TRPM7: variants seen among roughly 807,000 people sequenced by gnomAD.
TRPM7 encodes the protein LTRPC ion channel family member 7.
A neutral mutation model predicts 229.7 loss-of-function variants in TRPM7; 134 were observed. The ratio of observed to expected loss-of-function variants is 0.58; its 90% CI spans 0.51 to 0.67. The LOEUF is 0.67. TRPM7 is among the 30% of genes least tolerant of loss of function. The pLI, the probability that TRPM7 is intolerant of heterozygous loss-of-function variation, is 0.00. For synonymous variants in TRPM7, 699 were observed against 715.2 expected (o/e 0.98, Z 0.36); for missense variants, 1,901 against 2,210.0 (o/e 0.86, Z 2.80).
At chr15:50,680,701 CT>C (rs2062222199) in intron 1 of TRPM7, among the ~76,000 whole-genome samples, 1 of 152,148 alleles carries the variant, frequency 6.6e-6, no homozygotes, top group East Asian at 1.9e-4. Flanking sequence ...GTACAGCAAA[CT>C]TTTTAAGTTA....
At chr15:50,641,817 T>C (rs147419153) in intron 5 of TRPM7, among the ~76,000 whole-genome samples, 3 of 152,100 alleles carry the variant, frequency 2.0e-5, no homozygotes, top group Non-Finnish European at 4.4e-5. Context: ...TTGACCAACA[T>C]AGTGAAACCC....
intron 26 of TRPM7, among the ~76,000 whole-genome samples, chr15:50,591,609 G>C (rs2059495261): frequency 6.6e-6 from 1 of 151,696 alleles, no homozygotes; most frequent in Non-Finnish European, 1.5e-5. Flanking sequence ...CAGTTCGCCT[G>C]CCTCAGCCTC....
At chr15:50,643,095 C>A (rs575061936) in intron 5 of TRPM7, among the ~76,000 whole-genome samples, 1 of 152,162 alleles carries the variant, frequency 6.6e-6, no homozygotes, top group African/African-American at 2.4e-5. Flanking sequence ...TCGAGACCAG[C>A]CTGACCAATA....
intron 3 of TRPM7, among the ~76,000 whole-genome samples, chr15:50,653,360 G>C (rs923375444): frequency 1.3e-5 from 2 of 152,166 alleles, no homozygotes; most frequent in Non-Finnish European, 2.9e-5. Context: ...ACTAGGAAAG[G>C]AGGAAACTTC....
intron 1 of TRPM7, among the ~76,000 whole-genome samples, chr15:50,667,273 A>C (rs1468169362): frequency 2.6e-5 from 4 of 152,176 alleles, no homozygotes; most frequent in Admixed American, 2.6e-4. Context: ...CTGTTCCTCC[A>C]AGGGCTCTAC....
At chr15:50,663,086 C>T in intron 1 of TRPM7, 40 bp from the exon 2 acceptor site, 1 of 1,465,600 alleles carries the variant, frequency 6.8e-7, no homozygotes, top group Non-Finnish European at 9.5e-7. Flanking sequence ...ATAAGTTAAC[C>T]CACTAAATAA....
At chr15:50,662,681 T>A (rs2061758791) in intron 2 of TRPM7, among the ~76,000 whole-genome samples, 1 of 152,194 alleles carries the variant, frequency 6.6e-6, no homozygotes, top group African/African-American at 2.4e-5. Context: ...CTTAACTGCC[T>A]TACCTTTGTA....
chr15:50,673,337 T>C (rs1596345667), intron 1 of TRPM7, among the ~76,000 whole-genome samples: 2 of 152,322 alleles, frequency 1.3e-5, no homozygotes, highest in East Asian at 3.8e-4. Flanking sequence ...AGTTCTTTAG[T>C]GGTGACTTGT....
chr15:50,596,226 TATAAC>T lies in TRPM7; in HGVS notation c.3290+24_3290+28del, dbSNP rs761847051. 5.1e-4 allele frequency: 726 copies of T among 1,410,616 alleles called. 1 individual carries two copies. Among genetic ancestry groups the T allele is most frequent in the Non-Finnish European group, 6.7e-4 (705 of 1,052,798 alleles). The allele number at this position is 1,410,616 out of a possible 1,614,324, so 87.4% of individuals were successfully genotyped here. On this transcript the variant is annotated intron_variant, in intron 23 of 38. Coordinates refer to ENST00000646667, the MANE Select transcript of TRPM7 (RefSeq NM_017672.6). The stretch of plus-strand genomic sequence containing the variant: ...TGTAGAATTGCATATTAAATCATCT[TATAAC>T]AAACAATTGAACAAAATTCTTACTT...
chr15:50,635,077 G>C (rs746367338), intron 7 of TRPM7, among the ~76,000 whole-genome samples: 2 of 151,074 alleles, frequency 1.3e-5, no homozygotes, highest in African/African-American at 2.4e-5. Context: ...CAGCACTTTC[G>C]GAGACCAAGA....
At chr15:50,669,669 G>A (rs538100543) in intron 1 of TRPM7, among the ~76,000 whole-genome samples, 1 of 152,014 alleles carries the variant, frequency 6.6e-6, no homozygotes, top group Admixed American at 6.6e-5. Context: ...CAAGAACTAT[G>A]GTATACCTGT....
In TRPM7 at chr15:50,619,766, A is replaced by G. The variant is rs373504680; in HGVS notation, c.1473T>C (p.His491=). ...KQGPTNPMLF[H]LVRDVKQGNL... is the part of the protein sequence containing the mutation. ...TTACCTGTTTGACGTCTCGAACAAGATGAAACAGCATTGGATTAGTTGGAC... is the reference window on the plus strand; with the variant it reads ...TTACCTGTTTGACGTCTCGAACAAGGTGAAACAGCATTGGATTAGTTGGAC... The change falls in exon 13 of 39, where the codon CAT becomes CAC. Residue 491 remains histidine (H), a synonymous_variant. Transcript: ENST00000646667. 93 of 1,598,728 alleles carry G rather than the reference A, an allele frequency of 5.8e-5. No homozygotes were observed. Among genetic ancestry groups the G allele is most frequent in the Non-Finnish European group, 7.7e-5 (91 of 1,175,624 alleles).
chr15:50,581,854 T>C (rs1045673300), intron 29 of TRPM7, among the ~76,000 whole-genome samples: 1 of 152,214 alleles, frequency 6.6e-6, no homozygotes, highest in Non-Finnish European at 1.5e-5. Context: ...TTAATATATT[T>C]TCCATCTGAC....
chr15:50,637,382 A>C, intron 7 of TRPM7, 40 bp downstream of exon 7: 1 of 1,589,176 alleles, frequency 6.3e-7, no homozygotes, highest in Non-Finnish European at 8.6e-7. Context: ...AGTACAGCCC[A>C]GGACAATTTC....
chr15:50,686,525 C>T lies in TRPM7; in HGVS notation c.3+6G>A. On this transcript the variant is annotated splice_donor_region_variant and intron_variant, in intron 1 of 38. Transcript: ENST00000646667. ...TTCCCCGCCCGGGCCTGCGTGGGTC[C>T]AGTACCATTCTCCTCACGGGGCGGA... The T allele has an allele frequency of 6.2e-7, 1 of 1,612,498 alleles. No individual in the cohort carries two copies. The highest frequency in any genetic ancestry group is 1.1e-5 in the South Asian group (1 of 91,058).
rs763909598 is a variant in TRPM7 at position 50,637,473 on chromosome 15, T to G, written c.781A>C (p.Arg261=). Residue 261 remains arginine, a synonymous_variant, in exon 7 of 39, where the codon AGA becomes CGA. Transcript: ENST00000646667. ...GTTTTTTCAAGTTCTCTTCTCAGTCTGACTTCCGCCCCATACTTTCCAACA... is the reference window on the plus strand; with the variant it reads ...GTTTTTTCAAGTTCTCTTCTCAGTCGGACTTCCGCCCCATACTTTCCAACA... ...GTVGKYGAEV[R]LRRELEKTIN... is the part of the protein sequence containing the mutation. 1.2e-6 allele frequency: 2 copies of G among 1,613,730 alleles called. No homozygotes were observed. The highest frequency in any genetic ancestry group is 1.7e-6 in the Non-Finnish European group (2 of 1,179,924).
At chr15:50,571,029 C>T (rs2053861157) in intron 36 of TRPM7, among the ~76,000 whole-genome samples, 1 of 152,172 alleles carries the variant, frequency 6.6e-6, no homozygotes, top group South Asian at 2.1e-4. Flanking sequence ...TAAATCCTTC[C>T]AGTCTCTTAC....
At chr15:50,632,389 A>G (rs1238414304) in intron 9 of TRPM7, among the ~76,000 whole-genome samples, 1 of 152,214 alleles carries the variant, frequency 6.6e-6, no homozygotes, top group East Asian at 1.9e-4. Context: ...AAAACTTGCA[A>G]TGAAAAAGAC....
chr15:50,573,884 C>A (rs2054009073), intron 36 of TRPM7, among the ~76,000 whole-genome samples: 1 of 152,086 alleles, frequency 6.6e-6, no homozygotes, highest in African/African-American at 2.4e-5. Context: ...CATGGTGAAA[C>A]CTTGTCTACT....
Sources: allele counts gnomAD v4.1 joint callset (sites outside exome capture counted in the v4.1 genomes callset), GRCh38; gene constraint gnomAD v4.1.1; transcripts MANE v1.5; gene names NCBI Gene and HGNC (gene_info 2026-07-23, HGNC 2026-07-21).